The following DMD variants were observed in gnomAD, a reference collection of about 807,000 sequenced individuals.
DMD encodes dystrophin, also known as mutant dystrophin.
In DMD, 63 loss-of-function variants were observed where a neutral mutation model predicts 330.1. The observed-to-expected ratio is 0.19, with a 90% CI of 0.16 to 0.24. The LOEUF (loss-of-function observed/expected upper bound fraction) is 0.24. Ranked by LOEUF, DMD falls within the 10% of genes least tolerant of loss-of-function variation. The pLI, the probability that DMD is intolerant of heterozygous loss-of-function variation, is 1.00. For synonymous variants in DMD, 1,223 were observed against 959.8 expected, an observed-to-expected ratio of 1.27 and a Z score of -5.07; for missense variants, 3,344 against 2,684.1, an observed-to-expected ratio of 1.25 and a Z score of -5.43.
intron 17 of DMD, among the ~76,000 whole-genome samples, chrX:32,527,147 G>A (rs1391640992): frequency 1.8e-5 from 2 of 111,862 alleles, no homozygotes; most frequent in Non-Finnish European, 3.8e-5. Flanking sequence ...TGTGAAATAC[G>A]TTAACCATTG....
intron 2 of DMD, among the ~76,000 whole-genome samples, chrX:32,958,800 C>T (rs1187560598): frequency 9.0e-6 from 1 of 111,162 alleles, no homozygotes; most frequent in Non-Finnish European, 1.9e-5. Context: ...TTAACTTCTA[C>T]ATGTTACCCA....
rs185666705 is a variant in DMD, at chrX:32,129,958, C to T, written c.6438+86958G>A. ...AAGGAGAATCTTTTCTTCTATCCTT[C>T]CTTTCTCATTTTTCAAAGACTTTTT... On this transcript the variant is annotated intron_variant, in intron 44 of 78. Coordinates refer to ENST00000357033, the MANE Select transcript of DMD (RefSeq NM_004006.3). Among the ~76,000 whole-genome samples the T allele has an allele frequency of 1.1e-3, 125 of 109,074 alleles. 1 individual carries two copies. In the East Asian group the frequency reaches 0.028, roughly 25 times the overall value. 94.7% of individuals were successfully genotyped at this position (109,074 alleles called of 115,157 possible).
intron 41 of DMD, among the ~76,000 whole-genome samples, chrX:32,320,160 G>C (rs1470431821): frequency 1.8e-5 from 2 of 111,038 alleles, no homozygotes; most frequent in Non-Finnish European, 3.8e-5. Flanking sequence ...AACTTGAGTA[G>C]ATTTTTCAGA....
At position 32,809,589 on chromosome X, in the gene DMD, T is replaced by A; in HGVS notation, c.553A>T (p.Ser185Cys). 1 of 1,210,406 alleles carries A rather than the reference T, an allele frequency of 8.3e-7. No homozygotes were observed. The highest frequency in any genetic ancestry group is 1.8e-5 in the South Asian group (1 of 56,957). Residue 185 changes from serine (S) to cysteine (C), a missense_variant, in exon 7 of 79, where the codon AGT (serine) becomes TGT (cysteine). By Grantham distance (112) the Ser-to-Cys change is moderately radical (BLOSUM62 -1). Transcript: ENST00000357033. Reference sequence around the variant, plus strand: ...GTGGCTGACTGCTGGCAAACCACACTATTCCAGTCAAATAGGTCTGGCCTA... The same window carrying A: ...GTGGCTGACTGCTGGCAAACCACACAATTCCAGTCAAATAGGTCTGGCCTA... ...SHRPDLFDWN[S>C]VVCQQSATQR...
intron 1 of DMD, among the ~76,000 whole-genome samples, chrX:33,217,551 A>G (rs908406724): frequency 3.6e-5 from 4 of 111,614 alleles, no homozygotes; most frequent in African/African-American, 1.3e-4. Context: ...ATACTATGTG[A>G]AAAATTTTGG....
At chrX:32,114,934 A>T (rs182533325) in intron 44 of DMD, among the ~76,000 whole-genome samples, 3 of 111,968 alleles carry the variant, frequency 2.7e-5, no homozygotes, top group African/African-American at 9.7e-5. Context: ...GTCTTTTATC[A>T]AGGTCAAGTA....
intron 52 of DMD, among the ~76,000 whole-genome samples, chrX:31,719,953 G>C (rs765327672): frequency 9.0e-6 from 1 of 111,689 alleles, no homozygotes; most frequent in African/African-American, 3.3e-5. Flanking sequence ...ATGAGTGATC[G>C]TGAGACAGAA....
chrX:32,672,826 G>T (rs2061713218), intron 9 of DMD, among the ~76,000 whole-genome samples: 1 of 111,043 alleles, frequency 9.0e-6, no homozygotes, highest in South Asian at 3.8e-4. Context: ...GATAACGGAA[G>T]AGTGAAGAGC....
At chrX:32,034,849 T>C (rs1262837276) in intron 44 of DMD, among the ~76,000 whole-genome samples, 1 of 111,291 alleles carries the variant, frequency 9.0e-6, no homozygotes, top group Non-Finnish European at 1.9e-5. Flanking sequence ...AGAAGCCTAG[T>C]AAATAGAACA....
intron 13 of DMD, among the ~76,000 whole-genome samples, chrX:32,583,104 T>A (rs902573561): frequency 8.9e-6 from 1 of 112,231 alleles, no homozygotes; most frequent in Admixed American, 9.4e-5. Flanking sequence ...ATGATTTCCA[T>A]CTCTCTCTCC....
At chrX:32,378,079 G>A (rs1185648682) in intron 34 of DMD, among the ~76,000 whole-genome samples, 1 of 110,225 alleles carries the variant, frequency 9.1e-6, no homozygotes, top group Non-Finnish European at 1.9e-5. Context: ...ATTTTCTTCT[G>A]GCACTAAGTT....
At chrX:31,699,184 A>G (rs934270755) in intron 52 of DMD, among the ~76,000 whole-genome samples, 1 of 112,154 alleles carries the variant, frequency 8.9e-6, no homozygotes, top group Non-Finnish European at 1.9e-5. Context: ...CTTTGGTAAC[A>G]CTGTTGGACT....
chrX:31,196,370 ATTAC>A (rs2042884078), intron 67 of DMD, among the ~76,000 whole-genome samples: 2 of 111,097 alleles, frequency 1.8e-5, no homozygotes, highest in Admixed American at 1.9e-4. Context: ...ACTCTTACTA[ATTAC>A]TTAGTTACTA....
chrX:32,842,070 T>C (rs1487722132), intron 4 of DMD, among the ~76,000 whole-genome samples: 1 of 112,400 alleles, frequency 8.9e-6, no homozygotes, highest in Non-Finnish European at 1.9e-5. Flanking sequence ...TTTCCTTCTA[T>C]ATGTTTTATT....
intron 44 of DMD, among the ~76,000 whole-genome samples, chrX:32,132,993 C>CTTTTCTTTTTTT (rs2096705124): frequency 5.3e-5 from 4 of 75,963 alleles, no homozygotes; most frequent in African/African-American, 2.8e-4. Flanking sequence ...CTTTTCTTTT[C>CTTTTCTTTTTTT]TTTTTTTTTT....
intron 2 of DMD, among the ~76,000 whole-genome samples, chrX:32,965,601 T>A (rs1175987409): frequency 9.1e-6 from 1 of 109,614 alleles, no homozygotes; most frequent in Non-Finnish European, 1.9e-5. Flanking sequence ...AAACAGAGAA[T>A]AGGAAGTGGG....
intron 51 of DMD, among the ~76,000 whole-genome samples, chrX:31,745,919 G>A (rs2087793694): frequency 9.0e-6 from 1 of 111,643 alleles, no homozygotes; most frequent in East Asian, 2.8e-4. Flanking sequence ...ATGTTATGAT[G>A]TCACATTTTG....
At chrX:32,350,380 AGC>A (rs1456860677) in intron 37 of DMD, among the ~76,000 whole-genome samples, 9 of 111,387 alleles carry the variant, frequency 8.1e-5, no homozygotes, top group Non-Finnish European at 1.7e-4. Context: ...CCTAGTATGG[AGC>A]ACATTATCTT....
intron 2 of DMD, among the ~76,000 whole-genome samples, chrX:32,931,040 T>TATATA (rs1569543409): frequency 1.8e-5 from 2 of 108,307 alleles, no homozygotes; most frequent in African/African-American, 6.6e-5. Flanking sequence ...ATTAATACTA[T>TATATA]ATATATTTCA....
Sources: allele counts gnomAD v4.1 joint callset (sites outside exome capture counted in the v4.1 genomes callset), GRCh38; gene constraint gnomAD v4.1.1; transcripts MANE v1.5; gene names NCBI Gene and HGNC (gene_info 2026-07-23, HGNC 2026-07-21).